The following MGMT variants were observed in gnomAD, a reference collection of about 807,000 sequenced individuals.
MGMT encodes the protein O-6-methylguanine-DNA methyltransferase.
In MGMT, 14 loss-of-function variants were observed where a neutral mutation model predicts 15.9. That is an observed-to-expected ratio of 0.88 (90% confidence interval 0.58 to 1.37). The LOEUF is 1.37. Ranked by LOEUF, MGMT falls within the 40% of genes most tolerant of loss-of-function variation. The pLI is 0.00. For synonymous variants in MGMT, 130 were observed against 118.2 expected, an observed-to-expected ratio of 1.10 and a Z score of -0.65; for missense variants, 282 against 268.1, an observed-to-expected ratio of 1.05 and a Z score of -0.36.
At chr10:129,640,854 T>C (rs572548938) in intron 2 of MGMT, among the ~76,000 whole-genome samples, 3 of 152,342 alleles carry the variant, frequency 2.0e-5, no homozygotes, top group South Asian at 4.1e-4. Flanking sequence ...AAAATGAAGA[T>C]AAACCTGTGT....
intron 2 of MGMT, among the ~76,000 whole-genome samples, chr10:129,629,292 G>T (rs1847184893): frequency 6.6e-6 from 1 of 152,192 alleles, no homozygotes; most frequent in Non-Finnish European, 1.5e-5. Context: ...GGAAATATCT[G>T]CATGAGTATT....
intron 2 of MGMT, among the ~76,000 whole-genome samples, chr10:129,616,729 T>G (rs541621215): frequency 1.6e-3 from 239 of 152,292 alleles, no homozygotes; most frequent in African/African-American, 5.5e-3. Context: ...GGTTAGAGCC[T>G]GGGGAACCTC....
chr10:129,700,078 T>C (rs1848079451), intron 2 of MGMT: 1 of 152,218 alleles, frequency 6.6e-6, no homozygotes, highest in African/African-American at 2.4e-5. Flanking sequence ...TTCTTGAGGT[T>C]GCGTTGGAAA....
chr10:129,730,484 C>CG (rs1208796713), intron 3 of MGMT, among the ~76,000 whole-genome samples: 5 of 152,326 alleles, frequency 3.3e-5, no homozygotes, highest in African/African-American at 1.2e-4. Context: ...TCAGAGCATC[C>CG]TGTGTCTGCA....
At chr10:129,620,961 T>G (rs1202266931) in intron 2 of MGMT, among the ~76,000 whole-genome samples, 1 of 152,218 alleles carries the variant, frequency 6.6e-6, no homozygotes, top group Non-Finnish European at 1.5e-5. Context: ...TTTTTTTAAG[T>G]AGTTTGTTTA....
chr10:129,701,265 G>A (rs1208335953), intron 2 of MGMT: 1 of 152,184 alleles, frequency 6.6e-6, no homozygotes, highest in African/African-American at 2.4e-5. Flanking sequence ...CTCCAGGGTG[G>A]TCAGGTAGCA....
intron 2 of MGMT, among the ~76,000 whole-genome samples, chr10:129,573,775 C>T (rs1259280273): frequency 1.3e-5 from 2 of 152,134 alleles, no homozygotes; most frequent in Admixed American, 1.3e-4. Flanking sequence ...TCAATCATAA[C>T]CCTTGACCAT....
At chr10:129,749,396 T>G (rs939074310) in intron 3 of MGMT, among the ~76,000 whole-genome samples, 1 of 152,206 alleles carries the variant, frequency 6.6e-6, no homozygotes, top group African/African-American at 2.4e-5. Context: ...GTATGTAGCC[T>G]TTTCGGCTGG....
intron 2 of MGMT, among the ~76,000 whole-genome samples, chr10:129,568,157 C>T (rs994808628): frequency 4.6e-5 from 7 of 152,328 alleles, no homozygotes; most frequent in South Asian, 2.1e-4. Flanking sequence ...ACATTAAGCT[C>T]GCTTTACTTG....
chr10:129,525,337 A>T (rs1464689397), intron 1 of MGMT, among the ~76,000 whole-genome samples: 1 of 152,224 alleles, frequency 6.6e-6, no homozygotes, highest in African/African-American at 2.4e-5. Flanking sequence ...GTGCCAGTTT[A>T]TATCTCAAAA....
intron 2 of MGMT, among the ~76,000 whole-genome samples, chr10:129,580,187 G>A (rs1846535270): frequency 6.6e-6 from 1 of 152,158 alleles, no homozygotes; most frequent in South Asian, 2.1e-4. Flanking sequence ...ACGGGCAGGT[G>A]GCATCGTGGG....
chr10:129,593,590 G>T (rs979265096), intron 2 of MGMT, among the ~76,000 whole-genome samples: 1 of 152,226 alleles, frequency 6.6e-6, no homozygotes, highest in Non-Finnish European at 1.5e-5. Flanking sequence ...ATTCTCTTAA[G>T]CTTTAGCAAA....
intron 2 of MGMT, among the ~76,000 whole-genome samples, chr10:129,647,186 C>T (rs565014345): frequency 1.3e-5 from 2 of 152,264 alleles, no homozygotes; most frequent in East Asian, 1.9e-4. Context: ...TCTGCGGAGG[C>T]GCCTGCGGAA....
At chr10:129,540,545 A>G (rs1846032138) in intron 2 of MGMT, among the ~76,000 whole-genome samples, 1 of 152,146 alleles carries the variant, frequency 6.6e-6, no homozygotes, top group South Asian at 2.1e-4. Flanking sequence ...TTGTCAAATG[A>G]TATTTCATGT....
chr10:129,761,431 T>A (rs754194974), intron 4 of MGMT, among the ~76,000 whole-genome samples: 10 of 152,100 alleles, frequency 6.6e-5, no homozygotes, highest in Non-Finnish European at 1.5e-4. Flanking sequence ...GGCAGCACCC[T>A]CCCCCACCAG....
chr10:129,642,099 A>G (rs1021345578), intron 2 of MGMT, among the ~76,000 whole-genome samples: 8 of 152,172 alleles, frequency 5.3e-5, no homozygotes, highest in Admixed American at 5.2e-4. Flanking sequence ...ACTTGCTCAC[A>G]GTGAGACCCG....
At chr10:129,469,324 A>G (rs1589824563) in intron 1 of MGMT, among the ~76,000 whole-genome samples, 1 of 152,374 alleles carries the variant, frequency 6.6e-6, no homozygotes, top group Admixed American at 6.5e-5. Context: ...CACATTTAGG[A>G]GCCAGTGATT....
intron 1 of MGMT, among the ~76,000 whole-genome samples, chr10:129,529,471 C>T (rs1445693256): frequency 1.3e-5 from 2 of 152,152 alleles, no homozygotes; most frequent in Admixed American, 1.3e-4. Flanking sequence ...TTTAATGCTG[C>T]CGCTGACCTG....
chr10:129,534,909 C>T (rs1429520197), intron 1 of MGMT, among the ~76,000 whole-genome samples: 6 of 152,140 alleles, frequency 3.9e-5, no homozygotes, highest in South Asian at 2.1e-4. Flanking sequence ...CAGTGTTCTG[C>T]GCTTGCAGGG....
Sources: gnomAD v4.1 joint callset for allele counts (sites outside exome capture counted in the v4.1 genomes callset) on GRCh38, gnomAD v4.1.1 for gene constraint, MANE v1.5 for transcripts, NCBI Gene and HGNC (gene_info 2026-07-23, HGNC 2026-07-21) for gene names.